The following HIF3A variants were observed in gnomAD, a reference collection of about 807,000 sequenced individuals.
HIF3A encodes the protein hypoxia-inducible factor 3-alpha.
HIF3A carries 41 observed loss-of-function variants against 67.2 expected under a neutral mutation model. The ratio of observed to expected loss-of-function variants is 0.61; its 90% confidence interval spans 0.48 to 0.79. The LOEUF is 0.79. HIF3A is among the 30% of genes least tolerant of loss of function. The pLI is 0.00. For synonymous variants in HIF3A, 356 were observed against 374.8 expected, an observed-to-expected ratio of 0.95 and a Z score of 0.58; for missense variants, 855 against 898.0, an observed-to-expected ratio of 0.95 and a Z score of 0.61.
chr19:46,303,577 C>T (rs1337979806), intron 1 of HIF3A: 3 of 1,530,368 alleles, frequency 2.0e-6, no homozygotes, highest in African/African-American at 1.4e-5. Context: ...CCCAGGCGTC[C>T]CTAGCCTGGG....
intron 3 of HIF3A, 115 bp downstream of exon 3, chr19:46,305,505 T>C (rs1040026897): frequency 2.0e-6 from 2 of 1,021,516 alleles, no homozygotes; most frequent in Admixed American, 4.4e-5. Context: ...AAAGGGGATA[T>C]AGGTATGTCA....
intron 3 of HIF3A, among the ~76,000 whole-genome samples, chr19:46,306,249 C>T (rs543147063): frequency 3.9e-5 from 6 of 152,068 alleles, no homozygotes; most frequent in Non-Finnish European, 8.8e-5. Flanking sequence ...GGATTTTAAG[C>T]AGTGGAGAGG....
At chr19:46,324,985 TTGTG>T (rs542186240) in intron 10 of HIF3A, among the ~76,000 whole-genome samples, 99 of 127,914 alleles carry the variant, frequency 7.7e-4, no homozygotes, top group Admixed American at 1.4e-3. Context: ...CACACATATA[TTGTG>T]TGTGTGTGTG....
chr19:46,321,808 C>T lies in HIF3A; in HGVS notation c.1177C>T (p.His393Tyr), dbSNP rs777271337. 8.1e-6 allele frequency: 13 copies of T among 1,613,870 alleles called. No homozygotes were observed. Among genetic ancestry groups the T allele is most frequent in the East Asian group, 2.2e-5 (1 of 44,868 alleles). ...TGGCCCCCGGATCCTTGCCTTCCTG[C>T]ACCCGCCTTCCCTGAGCGAGGCTGC... ...TPGPRILAFLHPPSLSEAALA... is the reference protein window; with the variant it reads ...TPGPRILAFLYPPSLSEAALA... The change falls in exon 10 of 15, where the codon CAC (histidine) becomes TAC (tyrosine). Residue 393 changes from histidine (H) to tyrosine (Y), a missense_variant. By Grantham distance (83) the His-to-Tyr change is moderately conservative. Coordinates refer to ENST00000377670, the MANE Select transcript of HIF3A (RefSeq NM_152795.4).
rs1333333390 is a variant in HIF3A at position 46,342,302 on chromosome 19, T to C, written c.*2680T>C. The stretch of plus-strand genomic sequence containing the variant: ...CCTTATACATTTCTCTGGTTTTAGA[T>C]CTTACCACCCTCAACTCCTTCTGAT... On this transcript the variant is annotated 3_prime_UTR_variant, in exon 15 of 15. Transcript: ENST00000377670. The C allele has an allele frequency of 2.0e-5, 3 of 152,118 alleles. No homozygotes were observed. The highest frequency in any genetic ancestry group is 7.2e-5 in the African/African-American group (3 of 41,426). The allele number at this position is 152,118 out of a possible 1,614,324, so 9.4% of individuals were successfully genotyped here.
intron 4 of HIF3A, 178 bp downstream of exon 4, chr19:46,308,483 G>A: frequency 1.6e-6 from 1 of 629,940 alleles, no homozygotes; most frequent in Non-Finnish European, 2.8e-6. Context: ...GGGTCTGAGG[G>A]GACACAGCCC....
chr19:46,338,504 T>C (rs139337785), intron 14 of HIF3A: 7 of 1,143,428 alleles, frequency 6.1e-6, no homozygotes, highest in Non-Finnish European at 7.6e-6. Flanking sequence ...CGCCCGACAG[T>C]AAATATGTTT....
chr19:46,297,136 TG>T lies in HIF3A; in HGVS notation c.26+40del, dbSNP rs756991368. 2.3e-5 allele frequency: 16 copies of T among 705,378 alleles called. No individual in the cohort carries two copies. The highest frequency in any genetic ancestry group is 2.6e-5 in the Non-Finnish European group (14 of 541,080). 43.7% of individuals were successfully genotyped at this position (705,378 alleles called of 1,614,324 possible). ...GTTCGGGGGCAGGAGTTCTGGGAAT[TG>T]GGGGGCTCTCCTCCTGGAGACCCCT... On this transcript the variant is annotated intron_variant, in intron 1 of 14. Coordinates refer to ENST00000377670, the MANE Select transcript of HIF3A (RefSeq NM_152795.4). This position sits in a 1 kb window ranked among gnomAD's most constrained non-coding sequence, Gnocchi z 4.5.
chr19:46,343,326 G>A lies in HIF3A; in HGVS notation c.*3704G>A, dbSNP rs1314849963. On this transcript the variant is annotated 3_prime_UTR_variant, in exon 15 of 15. Transcript: ENST00000377670. ...GGAGGTGATGTGGGCCCTCAATGGA[G>A]GGAATTGTGCTGGGCTAGGGAAAGG... 2.6e-5 allele frequency: 4 copies of A among 152,832 alleles called. No homozygotes were observed. The highest frequency in any genetic ancestry group is 7.2e-5 in the African/African-American group (3 of 41,444). 9.5% of individuals were successfully genotyped at this position (152,832 alleles called of 1,614,324 possible).
At chr19:46,312,473 G>C (rs776841589) in intron 7 of HIF3A, 33 bp from the exon 8 acceptor site, 13 of 1,611,996 alleles carry the variant, frequency 8.1e-6, no homozygotes, top group Non-Finnish European at 1.1e-5. Context: ...TGCCCCCTTG[G>C]TGGCCCTGAT....
chr19:46,324,496 C>T (rs1970609892), intron 10 of HIF3A, among the ~76,000 whole-genome samples: 1 of 152,178 alleles, frequency 6.6e-6, no homozygotes, highest in Non-Finnish European at 1.5e-5. Context: ...CAGCTGAACT[C>T]TCCATTGTTT....
At chr19:46,330,411 G>C (rs1448500480) in intron 12 of HIF3A, among the ~76,000 whole-genome samples, 4 of 152,120 alleles carry the variant, frequency 2.6e-5, no homozygotes, top group African/African-American at 7.2e-5. Flanking sequence ...CAGAAGGATT[G>C]ATGGATGGGT....
chr19:46,301,008 G>A (rs1369620691), intron 1 of HIF3A, among the ~76,000 whole-genome samples: 1 of 152,030 alleles, frequency 6.6e-6, no homozygotes, highest in Non-Finnish European at 1.5e-5. Context: ...AGCTCCGTGA[G>A]GCCCTCTCGC....
intron 1 of HIF3A, among the ~76,000 whole-genome samples, chr19:46,301,204 T>C (rs1968301842): frequency 1.3e-5 from 2 of 152,074 alleles, no homozygotes; most frequent in Non-Finnish European, 2.9e-5. Context: ...CTCCCTGCTG[T>C]ACTGAGGATT....
At chr19:46,309,464 T>C in intron 6 of HIF3A, 105 bp downstream of exon 6, 1 of 674,338 alleles carries the variant, frequency 1.5e-6, no homozygotes, top group South Asian at 1.9e-5. Flanking sequence ...TCTCTCTCAC[T>C]TCATCCATCT....
intron 1 of HIF3A, among the ~76,000 whole-genome samples, chr19:46,301,094 G>A (rs1968290162): frequency 6.6e-6 from 1 of 152,156 alleles, no homozygotes; most frequent in African/African-American, 2.4e-5. Flanking sequence ...AGGCAGGACT[G>A]AGGCCCCTGC....
At chr19:46,317,858 A>G (rs1970041156) in intron 8 of HIF3A, among the ~76,000 whole-genome samples, 1 of 150,376 alleles carries the variant, frequency 6.6e-6, no homozygotes, top group African/African-American at 2.5e-5. Flanking sequence ...TCTTTTTTTG[A>G]GACAGAGTCT....
At chr19:46,322,997 A>G (rs79198803) in intron 10 of HIF3A, among the ~76,000 whole-genome samples, 1,556 of 151,198 alleles carry the variant, frequency 0.01, 30 homozygotes, top group African/African-American at 0.036. Flanking sequence ...TGACATCAGC[A>G]TTCCTTCCCC....
At chr19:46,326,596 A>C (rs1970799710) in intron 11 of HIF3A, among the ~76,000 whole-genome samples, 1 of 152,082 alleles carries the variant, frequency 6.6e-6, no homozygotes, top group African/African-American at 2.4e-5. Context: ...TTACAGCATC[A>C]GCTTGAAGTC....
Sources: allele counts gnomAD v4.1 joint callset (sites outside exome capture counted in the v4.1 genomes callset), GRCh38; gene constraint gnomAD v4.1.1; non-coding constraint Gnocchi (gnomAD v3.1); transcripts MANE v1.5; gene names NCBI Gene and HGNC (gene_info 2026-07-23, HGNC 2026-07-21).